The following CTNNA3 variants were observed in gnomAD, a reference collection of about 807,000 sequenced individuals.
CTNNA3 encodes the protein catenin alpha 3, also known as catenin alpha-3.
CTNNA3 carries 76 observed loss-of-function variants against 95.7 expected under a neutral mutation model. The ratio of observed to expected loss-of-function variants is 0.79; its 90% CI spans 0.66 to 0.96. CTNNA3 has a LOEUF of 0.96. CTNNA3 is among the 40% of genes least tolerant of loss of function. The pLI, the probability that CTNNA3 is intolerant of heterozygous loss-of-function variation, is 0.00. For missense variants in CTNNA3, 1,191 were observed against 1,089.8 expected (o/e 1.09, Z -1.31); for synonymous variants, 431 against 374.4 (o/e 1.15, Z -1.74).
chr10:67,346,473 A>G (rs993919391), intron 5 of CTNNA3, among the ~76,000 whole-genome samples: 3 of 152,002 alleles, frequency 2.0e-5, no homozygotes, highest in Non-Finnish European at 2.9e-5. Context: ...TTTCTCTTTC[A>G]TCTTTGACGG....
Position 67,180,346 on chromosome 10 carries a change from G to T in CTNNA3, c.1018C>A (p.Gln340Lys), listed in dbSNP as rs773449797. The T allele has an allele frequency of 2.4e-5, 39 of 1,613,484 alleles. No individual in the cohort carries two copies. The highest frequency in any genetic ancestry group is 3.3e-5 in the Non-Finnish European group (39 of 1,179,878). The change falls in exon 7 of 18, where the codon CAG (glutamine) becomes AAG (lysine). Residue 340 changes from glutamine (Q) to lysine (K), a missense_variant. Coordinates refer to ENST00000433211, the MANE Select transcript of CTNNA3 (RefSeq NM_013266.4). ...TTCATGTACTCTGAAAGCAGATCCT[G>T]AAGAGCCTGGCGAATGGCGTTGCAT... ...AECNAIRQALQDLLSEYMNNA... is the reference protein window; with the variant it reads ...AECNAIRQALKDLLSEYMNNA...
At chr10:66,944,374 C>T (rs1455504173) in intron 7 of CTNNA3, among the ~76,000 whole-genome samples, 3 of 152,176 alleles carry the variant, frequency 2.0e-5, no homozygotes, top group African/African-American at 7.2e-5. Flanking sequence ...ATTCCATCTT[C>T]ACACTCCATC....
chr10:67,314,237 C>A lies in CTNNA3; in HGVS notation c.580-94367G>T, dbSNP rs1589155971. ...AAGCCAAAACTAAAAAGAAAGAAAT[C>A]ATCTATACTACGGCTAGGAAATCAG... On this transcript the variant is annotated intron_variant, in intron 5 of 17. Transcript: ENST00000433211. Among the ~76,000 whole-genome samples the A allele has an allele frequency of 2.0e-5, 3 of 152,094 alleles. No homozygotes were observed. The East Asian group carries it at 5.8e-4, about 29-fold the overall frequency.
chr10:67,422,880 A>C (rs1845796340), intron 5 of CTNNA3, among the ~76,000 whole-genome samples: 1 of 151,748 alleles, frequency 6.6e-6, no homozygotes, highest in Non-Finnish European at 1.5e-5. Context: ...AAACTAATAC[A>C]CTCCCCCAAA....
At chr10:67,342,099 C>CTTTTTTTT (rs764381058) in intron 5 of CTNNA3, among the ~76,000 whole-genome samples, 1 of 83,682 alleles carries the variant, frequency 1.2e-5, no homozygotes, top group East Asian at 3.8e-4. Flanking sequence ...TATTTTTCTT[C>CTTTTTTTT]TTTTTTTTTT....
intron 1 of CTNNA3, among the ~76,000 whole-genome samples, chr10:67,744,326 C>T (rs1022664615): frequency 6.6e-6 from 1 of 151,070 alleles, no homozygotes; most frequent in Non-Finnish European, 1.5e-5. Flanking sequence ...TGGAACAGAC[C>T]AGAGCCCTCA....
chr10:67,419,455 G>A (rs779284762), intron 5 of CTNNA3, among the ~76,000 whole-genome samples: 6 of 151,514 alleles, frequency 4.0e-5, no homozygotes, highest in Non-Finnish European at 8.8e-5. Context: ...CATGGACCTC[G>A]TCACCCTGGT....
At chr10:66,734,442 T>A (rs960463664) in intron 9 of CTNNA3, among the ~76,000 whole-genome samples, 3 of 152,190 alleles carry the variant, frequency 2.0e-5, no homozygotes, top group Non-Finnish European at 4.4e-5. Flanking sequence ...AAAATACCTT[T>A]TTATTTCTAA....
chr10:67,745,303 T>C lies in CTNNA3; in HGVS notation c.-2+18131A>G, dbSNP rs900385711. Among the ~76,000 whole-genome samples, 4 of 152,066 alleles carry C rather than the reference T, an allele frequency of 2.6e-5. No individual in the cohort carries two copies. The East Asian group carries it at 5.8e-4, about 22-fold the overall frequency. ...GACTGGATTAAGAAAATTTGGCACATATACACCATGGAATACCATGCAGCC... is the reference window on the plus strand; with the variant it reads ...GACTGGATTAAGAAAATTTGGCACACATACACCATGGAATACCATGCAGCC... On this transcript the variant is annotated intron_variant, in intron 1 of 17. Coordinates refer to the CTNNA3 transcript ENST00000684154.
intron 12 of CTNNA3, among the ~76,000 whole-genome samples, chr10:66,318,783 C>A (rs2132281611): frequency 6.6e-6 from 1 of 152,148 alleles, no homozygotes; most frequent in Admixed American, 6.5e-5. Context: ...CAGGCTCTGT[C>A]CCTAGATATT....
intron 5 of CTNNA3, among the ~76,000 whole-genome samples, chr10:67,248,085 C>T (rs1043924701): frequency 1.3e-5 from 2 of 152,118 alleles, no homozygotes; most frequent in Non-Finnish European, 2.9e-5. Flanking sequence ...CTTTGGGAAG[C>T]TCACGGCAGG....
intron 13 of CTNNA3, among the ~76,000 whole-genome samples, chr10:66,242,032 T>G (rs1199302791): frequency 6.6e-6 from 1 of 152,080 alleles, no homozygotes; most frequent in African/African-American, 2.4e-5. Context: ...AGTTGAAATT[T>G]AATCCCCAAT....
At chr10:66,043,151 AAAAGAGAG>A (rs1405488358) in intron 15 of CTNNA3, among the ~76,000 whole-genome samples, 68 of 144,120 alleles carry the variant, frequency 4.7e-4, no homozygotes, top group African/African-American at 1.7e-3. Flanking sequence ...AAAAAAAAAA[AAAAGAGAG>A]AGAGAGAAGA....
chr10:67,506,809 T>C (rs73266298), intron 5 of CTNNA3, among the ~76,000 whole-genome samples: 14,403 of 152,214 alleles, frequency 0.095, 1,287 homozygotes, highest in African/African-American at 0.24. Context: ...TTTGAGATTA[T>C]AATTTTTACT....
intron 1 of CTNNA3, among the ~76,000 whole-genome samples, chr10:67,712,176 C>A (rs960130328): frequency 6.6e-6 from 1 of 152,194 alleles, no homozygotes. Context: ...AATTTCTAAG[C>A]ATCAAAGCTT....
intron 7 of CTNNA3, among the ~76,000 whole-genome samples, chr10:66,789,169 T>G (rs1039322898): frequency 6.6e-6 from 1 of 151,924 alleles, no homozygotes; most frequent in Non-Finnish European, 1.5e-5. Flanking sequence ...ACCTTTTTTT[T>G]GTTTATTTGT....
At chr10:66,891,943 C>T (rs1845284241) in intron 7 of CTNNA3, among the ~76,000 whole-genome samples, 1 of 152,038 alleles carries the variant, frequency 6.6e-6, no homozygotes, top group African/African-American at 2.4e-5. Context: ...TATCTAGAAG[C>T]CGCATTTTAG....
intron 5 of CTNNA3, among the ~76,000 whole-genome samples, chr10:67,237,559 A>C (rs986022593): frequency 1.3e-5 from 2 of 152,076 alleles, no homozygotes; most frequent in African/African-American, 4.8e-5. Flanking sequence ...TTAAAATTAA[A>C]AAATTCAAAC....
At chr10:65,951,479 T>C (rs1029916585) in intron 17 of CTNNA3, among the ~76,000 whole-genome samples, 1 of 152,156 alleles carries the variant, frequency 6.6e-6, no homozygotes, top group Non-Finnish European at 1.5e-5. Context: ...TTAGTTCTTC[T>C]TAAGAATCCA....
Sources: allele counts gnomAD v4.1 joint callset (sites outside exome capture counted in the v4.1 genomes callset), GRCh38; gene constraint gnomAD v4.1.1; transcripts MANE v1.5; gene names NCBI Gene and HGNC (gene_info 2026-07-23, HGNC 2026-07-21).